The following XYLT1 variants were observed in gnomAD, a reference collection of about 807,000 sequenced individuals.
XYLT1 encodes the protein beta-D-xylosyltransferase 1.
Under a neutral mutation model 91.3 loss-of-function variants are expected in XYLT1, and 36 were observed. The observed-to-expected ratio is 0.39, with a 90% CI of 0.30 to 0.52. The LOEUF is 0.52. Ranked by LOEUF, XYLT1 falls within the 20% of genes least tolerant of loss-of-function variation. XYLT1 has a pLI of 0.68. For synonymous variants in XYLT1, 588 were observed against 532.0 expected, an observed-to-expected ratio of 1.11 and a Z score of -1.45; for missense variants, 1,242 against 1,284.5, an observed-to-expected ratio of 0.97 and a Z score of 0.51.
chr16:17,313,463 G>A (rs1215914568), intron 2 of XYLT1, among the ~76,000 whole-genome samples: 3 of 152,152 alleles, frequency 2.0e-5, no homozygotes, highest in African/African-American at 7.2e-5. Context: ...GGAGTGTTGG[G>A]CTCCTTGGAA....
chr16:17,146,971 G>A (rs1292053334), intron 6 of XYLT1, among the ~76,000 whole-genome samples: 1 of 152,146 alleles, frequency 6.6e-6, no homozygotes, highest in African/African-American at 2.4e-5. Flanking sequence ...TCTTGCTACA[G>A]AGCAGTCCTC....
chr16:17,138,584 G>T (rs770776356), intron 7 of XYLT1, 53 bp from the exon 8 acceptor site: 43 of 1,584,482 alleles, frequency 2.7e-5, no homozygotes, highest in Non-Finnish European at 3.5e-5. Flanking sequence ...TCCCACAGAT[G>T]AACTGGGGTG....
intron 2 of XYLT1, among the ~76,000 whole-genome samples, chr16:17,288,471 T>C (rs759302005): frequency 1.3e-5 from 2 of 152,110 alleles, no homozygotes; most frequent in Non-Finnish European, 2.9e-5. Flanking sequence ...CTTGTCTTAT[T>C]ATGCTTATTG....
intron 3 of XYLT1, among the ~76,000 whole-genome samples, chr16:17,240,302 G>A (rs911863935): frequency 1.3e-5 from 2 of 152,138 alleles, no homozygotes; most frequent in African/African-American, 4.8e-5. Flanking sequence ...TGAAGAAGGA[G>A]GTAGGCCAGA....
intron 1 of XYLT1, among the ~76,000 whole-genome samples, chr16:17,426,722 G>C (rs562720141): frequency 6.6e-6 from 1 of 152,160 alleles, no homozygotes; most frequent in Non-Finnish European, 1.5e-5. Context: ...CAATGGCAGA[G>C]CTGAGTAGGT....
chr16:17,176,986 G>A (rs1344420630), intron 5 of XYLT1, among the ~76,000 whole-genome samples: 4 of 152,026 alleles, frequency 2.6e-5, no homozygotes, highest in East Asian at 1.9e-4. Context: ...GGCTCTAAAG[G>A]TCCCACACGG....
intron 2 of XYLT1, among the ~76,000 whole-genome samples, chr16:17,340,040 T>C (rs2035043968): frequency 6.6e-6 from 1 of 151,728 alleles, no homozygotes; most frequent in East Asian, 1.9e-4. Context: ...CACCCATTCG[T>C]CCACCCATCT....
At chr16:17,231,339 C>T (rs1343153351) in intron 3 of XYLT1, among the ~76,000 whole-genome samples, 1 of 152,180 alleles carries the variant, frequency 6.6e-6, no homozygotes, top group East Asian at 1.9e-4. Flanking sequence ...CTTCACACAT[C>T]CTACAGGGCC....
chr16:17,108,804 G>T lies in XYLT1; in HGVS notation c.2771C>A (p.Pro924His). The change falls in exon 12 of 12, where the codon CCC becomes CAC. Residue 924 changes from proline (P) to histidine (H), a missense_variant. Transcript: ENST00000261381. Reference sequence around the variant, plus strand: ...GGTCTGCATGACCGGGCAGGCTGTGGGGCCCGTGGCACAGATGTCCATGGC... The same window carrying T: ...GGTCTGCATGACCGGGCAGGCTGTGTGGCCCGTGGCACAGATGTCCATGGC... ...WTAMDICATG[P>H]TACPVMQTCS... is the part of the protein sequence containing the mutation. The T allele has an allele frequency of 6.2e-7, 1 of 1,611,998 alleles. No homozygotes were observed. Among genetic ancestry groups the T allele is most frequent in the African/African-American group, 1.3e-5 (1 of 75,046 alleles).
At chr16:17,133,548 T>A (rs183831804) in intron 9 of XYLT1, among the ~76,000 whole-genome samples, 5 of 152,206 alleles carry the variant, frequency 3.3e-5, no homozygotes, top group African/African-American at 1.2e-4. Flanking sequence ...AAAGGAATCA[T>A]TATCATTGCG....
At chr16:17,222,963 A>G (rs1013301074) in intron 3 of XYLT1, among the ~76,000 whole-genome samples, 1 of 151,668 alleles carries the variant, frequency 6.6e-6, no homozygotes, top group African/African-American at 2.4e-5. Context: ...GGGGGCTGGG[A>G]CTAGGCGCTG....
At chr16:17,392,747 A>C (rs2035835504) in intron 1 of XYLT1, among the ~76,000 whole-genome samples, 1 of 152,174 alleles carries the variant, frequency 6.6e-6, no homozygotes, top group South Asian at 2.1e-4. Flanking sequence ...TCGCCTTGAC[A>C]ATGTAAATTA....
intron 2 of XYLT1, among the ~76,000 whole-genome samples, chr16:17,271,491 G>A (rs971772105): frequency 6.6e-6 from 1 of 152,164 alleles, no homozygotes; most frequent in Admixed American, 6.5e-5. Context: ...GGCACAGAGA[G>A]AATGTGAACA....
At chr16:17,168,142 G>A (rs1264523209) in intron 5 of XYLT1, among the ~76,000 whole-genome samples, 1 of 152,176 alleles carries the variant, frequency 6.6e-6, no homozygotes, top group Non-Finnish European at 1.5e-5. Flanking sequence ...ACATGCACTT[G>A]TATGTTCACT....
chr16:17,343,371 C>G (rs1197750449), intron 2 of XYLT1, among the ~76,000 whole-genome samples: 3 of 152,238 alleles, frequency 2.0e-5, no homozygotes, highest in African/African-American at 7.2e-5. Flanking sequence ...AACAGCGACT[C>G]AGGCATAGGT....
intron 5 of XYLT1, among the ~76,000 whole-genome samples, chr16:17,190,333 T>C (rs2032280429): frequency 6.6e-6 from 1 of 152,148 alleles, no homozygotes; most frequent in Non-Finnish European, 1.5e-5. Context: ...TTCAGGTACA[T>C]GTGCACAACA....
At chr16:17,332,611 C>CAT (rs71230742) in intron 2 of XYLT1, among the ~76,000 whole-genome samples, 1 of 146,928 alleles carries the variant, frequency 6.8e-6, no homozygotes, top group South Asian at 2.2e-4. Flanking sequence ...CACACACACA[C>CAT]GGCTTCCTGA....
At chr16:17,138,716 C>G in intron 7 of XYLT1, 185 bp from the exon 8 acceptor site, 1 of 580,922 alleles carries the variant, frequency 1.7e-6, no homozygotes, top group Non-Finnish European at 2.9e-6. Flanking sequence ...AAATAAACCT[C>G]TTTTCTTTAT....
intron 3 of XYLT1, among the ~76,000 whole-genome samples, chr16:17,204,966 CAAAAA>C (rs530525798): frequency 0.011 from 865 of 81,300 alleles, 10 homozygotes; most frequent in East Asian, 0.077. Flanking sequence ...TGCCCAGCTC[CAAAAA>C]AAAAAAAAAA....
Sources: allele counts gnomAD v4.1 joint callset (sites outside exome capture counted in the v4.1 genomes callset), GRCh38; gene constraint gnomAD v4.1.1; transcripts MANE v1.5; gene names NCBI Gene and HGNC (gene_info 2026-07-23, HGNC 2026-07-21).